ZNF681: variants seen among roughly 807,000 people sequenced by gnomAD.
ZNF681 encodes the protein hypothetical protein FLJ31526.
A neutral mutation model predicts 56.0 loss-of-function variants in ZNF681; 37 were observed. The observed-to-expected ratio is 0.66, with a 90% CI of 0.51 to 0.87. ZNF681 has a LOEUF of 0.87. Ranked by LOEUF, ZNF681 falls within the 40% of genes least tolerant of loss-of-function variation. The pLI is 0.00. For synonymous variants in ZNF681, 225 were observed against 248.6 expected (o/e 0.91, Z 0.89); for missense variants, 741 against 744.9 (o/e 0.99, Z 0.06).
rs556353275 is a variant in ZNF681 at position 23,744,911 on chromosome 19, A to G, written c.639T>C (p.Phe213=). ...CGKAFNGSSI[F]TKHKRIHIGE... Reference sequence around the variant, plus strand: ...CAATATGAATTCTTTTATGTTTAGTAAAGATTGAGGATCCATTAAAGGCTT... The same window carrying G: ...CAATATGAATTCTTTTATGTTTAGTGAAGATTGAGGATCCATTAAAGGCTT... Residue 213 remains phenylalanine, a synonymous_variant, in exon 4 of 4, where the codon TTT becomes TTC. Transcript: ENST00000402377. 6.2e-7 allele frequency: 1 copy of G among 1,609,492 alleles called. No individual in the cohort carries two copies. Among genetic ancestry groups the G allele is most frequent in the Non-Finnish European group, 8.5e-7 (1 of 1,177,928 alleles).
In ZNF681 at chr19:23,756,055, A is replaced by G. The variant is rs142681660; in HGVS notation, c.4-504T>C. On this transcript the variant is annotated intron_variant, in intron 1 of 3. Coordinates refer to ENST00000402377, the MANE Select transcript of ZNF681 (RefSeq NM_138286.3). The stretch of plus-strand genomic sequence containing the variant: ...TAAAGACACATATGTGGCTGGGCGC[A>G]GTGGCTCAACCTGTAATCCCAGCAC... Among the ~76,000 whole-genome samples the G allele has an allele frequency of 7.4e-4, 113 of 152,268 alleles. 2 individuals are homozygous for G. The highest frequency in any genetic ancestry group is 2.6e-3 in the African/African-American group (106 of 41,558).
rs923823722 is a variant in ZNF681, at chr19:23,742,309, T to A, written c.*1303A>T. 6.6e-6 allele frequency: 1 copy of A among 151,984 alleles called. No individual in the cohort carries two copies. Among genetic ancestry groups the A allele is most frequent in the African/African-American group, 2.4e-5 (1 of 41,352 alleles). 9.4% of individuals were successfully genotyped at this position (151,984 alleles called of 1,614,324 possible). A position where few individuals can be genotyped will look rare whatever the true frequency, so the allele number is the denominator to read the frequency against. On this transcript the variant is annotated 3_prime_UTR_variant, in exon 4 of 4. Coordinates refer to ENST00000402377, the MANE Select transcript of ZNF681 (RefSeq NM_138286.3). ...GAGTTTGAGACCAGCCTGACCAACA[T>A]AGAGAAACCCCATCTCTATTAAAAA...
chr19:23,755,650 A>C (rs929056245), intron 1 of ZNF681, 99 bp from the exon 2 acceptor site: 4 of 1,315,148 alleles, frequency 3.0e-6, no homozygotes, highest in Non-Finnish European at 4.0e-6. Context: ...GATTCAAGGT[A>C]AAATAAGAAA....
Position 23,754,929 on chromosome 19 carries a change from G to C in ZNF681, c.131-11C>G. 2 of 1,605,564 alleles carry C rather than the reference G, an allele frequency of 1.2e-6. No individual in the cohort carries two copies. The highest frequency in any genetic ancestry group is 4.5e-5 in the East Asian group (2 of 44,760). On this transcript the variant is annotated splice_polypyrimidine_tract_variant and intron_variant, in intron 2 of 3. Coordinates refer to ENST00000402377, the MANE Select transcript of ZNF681 (RefSeq NM_138286.3). ...TAGAGACAACAATACCTGTTTTATT[G>C]AAAGTAAATAACATAAATCTTGCTT...
rs939752280 is a variant in ZNF681 at position 23,758,509 on chromosome 19, T to A, written c.3+238A>T. ...GCACAATCTGGGAGAGACCCGGCGC[T>A]GCGGATGCAGAGCCACCCAGAGAGA... On this transcript the variant is annotated intron_variant, in intron 1 of 3. Transcript: ENST00000402377. Among the ~76,000 whole-genome samples the A allele has an allele frequency of 4.6e-5, 7 of 152,190 alleles. No homozygotes were observed. In the East Asian group the frequency reaches 1.2e-3, roughly 25 times the overall value.
At chr19:23,746,360 C>T (rs1047801253) in intron 3 of ZNF681, among the ~76,000 whole-genome samples, 1 of 151,684 alleles carries the variant, frequency 6.6e-6, no homozygotes, top group Non-Finnish European at 1.5e-5. Context: ...ATTTGGTACA[C>T]AGTTTGGCAG....
At chr19:23,749,041 T>TGAAC (rs1968985908) in intron 3 of ZNF681, among the ~76,000 whole-genome samples, 1 of 152,222 alleles carries the variant, frequency 6.6e-6, no homozygotes. Flanking sequence ...AAGGCATATT[T>TGAAC]GAATATTGAT....
rs111550147 is a variant in ZNF681 at position 23,755,048 on chromosome 19, G to T, written c.131-130C>A. 2.2e-4 allele frequency: 140 copies of T among 623,184 alleles called. No homozygotes were observed. The African/African-American group carries it at 2.3e-3, about 10-fold the overall frequency. 38.6% of individuals were successfully genotyped at this position (623,184 alleles called of 1,614,324 possible). The stretch of plus-strand genomic sequence containing the variant: ...AATCCCAAAATACTGATTTATAAAA[G>T]AAATTTCTAAATATTTAGAAAATAT... On this transcript the variant is annotated intron_variant, in intron 2 of 3. Transcript: ENST00000402377.
intron 1 of ZNF681, 76 bp from the exon 2 acceptor site, chr19:23,755,627 G>T: frequency 1.5e-6 from 2 of 1,356,936 alleles, no homozygotes. Context: ...GCCATGGAAA[G>T]AATTTATAAT....
At chr19:23,754,725 T>A in intron 3 of ZNF681, 98 bp downstream of exon 3, 1 of 1,004,220 alleles carries the variant, frequency 1.0e-6, no homozygotes, top group Non-Finnish European at 1.5e-6. Flanking sequence ...TCCTTTGGAA[T>A]ACAGCTTCCC....
chr19:23,747,144 A>C (rs942071285), intron 3 of ZNF681, among the ~76,000 whole-genome samples: 1 of 152,152 alleles, frequency 6.6e-6, no homozygotes, highest in African/African-American at 2.4e-5. Flanking sequence ...GTAAGAAAAT[A>C]AAAATTGTAC....
At chr19:23,750,516 GA>G (rs1015175278) in intron 3 of ZNF681, among the ~76,000 whole-genome samples, 5 of 151,814 alleles carry the variant, frequency 3.3e-5, no homozygotes, top group African/African-American at 1.2e-4. Flanking sequence ...AAAAGCACAA[GA>G]AACTAATATT....
chr19:23,750,861 C>T (rs1969017999), intron 3 of ZNF681, among the ~76,000 whole-genome samples: 3 of 149,754 alleles, frequency 2.0e-5, no homozygotes, highest in African/African-American at 7.4e-5. Context: ...CAGTGGCTCA[C>T]ACCTGTAATC....
Position 23,745,702 on chromosome 19 carries a change from C to T in ZNF681, c.227-379G>A, listed in dbSNP as rs572044748. On this transcript the variant is annotated intron_variant, in intron 3 of 3. Transcript: ENST00000402377. ...TCCTGACCTCGTGATCTGCCCACCT[C>T]AGCCTCCCAAAATGCTGGGATTACA... Among the ~76,000 whole-genome samples the T allele has an allele frequency of 5.3e-5, 8 of 151,914 alleles. No homozygotes were observed. In the South Asian group the frequency reaches 1.7e-3, roughly 32 times the overall value.
rs1894924193 is a variant in ZNF681 at position 23,755,477 on chromosome 19, C to T, written c.78G>A (p.Gln26=). 1 of 1,609,522 alleles carries T rather than the reference C, an allele frequency of 6.2e-7. No homozygotes were observed. Among genetic ancestry groups the T allele is most frequent in the Non-Finnish European group, 8.5e-7 (1 of 1,177,596 alleles). The change falls in exon 2 of 4, where the codon CAG becomes CAA. Residue 26 remains glutamine, a synonymous_variant. Transcript: ENST00000402377. ...CTAACATCACATTCCTATATAAATT[C>T]TGCTGTATAGTGTCCAGGCATTGCC... ...EEWQCLDTIQ[Q]NLYRNVMLEN... is the part of the protein sequence containing the mutation.
intron 2 of ZNF681, 55 bp from the exon 3 acceptor site, chr19:23,754,973 C>CATG: frequency 7.2e-7 from 1 of 1,382,476 alleles, no homozygotes; most frequent in Middle Eastern, 1.8e-4. Flanking sequence ...TAATCACCAA[C>CATG]ATGGCAATGT....
intron 3 of ZNF681, among the ~76,000 whole-genome samples, chr19:23,748,009 T>G: frequency 6.6e-6 from 1 of 151,972 alleles, no homozygotes. Context: ...AAAAAATATT[T>G]TAAATAAAAT....
chr19:23,755,668 G>A, intron 1 of ZNF681, 117 bp from the exon 2 acceptor site: 1 of 1,207,516 alleles, frequency 8.3e-7, no homozygotes. Flanking sequence ...AAAGTGAAGA[G>A]AACTGGTTCT....
chr19:23,744,921 G>T lies in ZNF681; in HGVS notation c.629C>A (p.Ser210Tyr). ...TCTTTTATGTTTAGTAAAGATTGAG[G>T]ATCCATTAAAGGCTTTTCCACAGTC... ...CEDCGKAFNG[S>Y]SIFTKHKRIH... The change falls in exon 4 of 4, where the codon TCC (serine) becomes TAC (tyrosine). Residue 210 changes from serine (S) to tyrosine (Y), a missense_variant. Coordinates refer to ENST00000402377, the MANE Select transcript of ZNF681 (RefSeq NM_138286.3). 1 of 1,605,284 alleles carries T rather than the reference G, an allele frequency of 6.2e-7. No individual in the cohort carries two copies. The highest frequency in any genetic ancestry group is 8.5e-7 in the Non-Finnish European group (1 of 1,176,662).
Sources: allele counts gnomAD v4.1 joint callset (sites outside exome capture counted in the v4.1 genomes callset), GRCh38; gene constraint gnomAD v4.1.1; transcripts MANE v1.5; gene names NCBI Gene and HGNC (gene_info 2026-07-23, HGNC 2026-07-21).